Variants in MINK1 observed in about 807,000 individuals in gnomAD.
MINK1 encodes the protein misshapen-like kinase 1.
MINK1 carries 46 observed loss-of-function variants against 178.4 expected under a neutral mutation model. The observed-to-expected ratio is 0.26, with a 90% CI of 0.20 to 0.33. MINK1 has a LOEUF of 0.33. Among genes scored for constraint, MINK1 ranks in the 10% least tolerant of loss-of-function variants. The pLI is 1.00. For missense variants in MINK1, 1,366 were observed against 1,814.9 expected (o/e 0.75, Z 4.49); for synonymous variants, 797 against 709.7 (o/e 1.12, Z -1.96).
intron 1 of MINK1, among the ~76,000 whole-genome samples, chr17:4,870,163 C>T (rs532225942): frequency 4.6e-5 from 7 of 151,580 alleles, no homozygotes; most frequent in South Asian, 2.1e-4. Context: ...CCACCTGCCT[C>T]GGCCTCCCAA....
rs531577273 is a variant in MINK1 at position 4,853,813 on chromosome 17, G to A, written c.57+20173G>A. ...CTGACATTTGAAAAGCCATGGCCTC[G>A]CTTACCTACAGTGAGACTTGAGAAG... On this transcript the variant is annotated intron_variant, in intron 1 of 31. Coordinates refer to ENST00000355280, the MANE Select transcript of MINK1 (RefSeq NM_153827.5). 3.4e-4 allele frequency among the ~76,000 whole-genome samples: 52 copies of A among 152,158 alleles called. No homozygotes were observed. The South Asian group carries it at 7.3e-3, about 21-fold the overall frequency.
At chr17:4,858,874 G>A (rs1427229369) in intron 1 of MINK1, among the ~76,000 whole-genome samples, 1 of 152,224 alleles carries the variant, frequency 6.6e-6, no homozygotes, top group African/African-American at 2.4e-5. Flanking sequence ...AGTACAAGGA[G>A]CTAGGAAAGG....
chr17:4,856,576 A>G (rs1476541677), intron 1 of MINK1, among the ~76,000 whole-genome samples: 1 of 152,162 alleles, frequency 6.6e-6, no homozygotes, highest in Non-Finnish European at 1.5e-5. Flanking sequence ...CGTGACAGAT[A>G]GGTGGGAGAT....
chr17:4,895,354 C>T lies in MINK1; in HGVS notation c.3090C>T (p.Val1030=). 6.2e-7 allele frequency: 1 copy of T among 1,604,138 alleles called. No homozygotes were observed. Among genetic ancestry groups the T allele is most frequent in the Admixed American group, 1.7e-5 (1 of 59,580 alleles). Residue 1030 remains valine, a synonymous_variant, in exon 26 of 32, where the codon GTC becomes GTT. Transcript: ENST00000355280. This position sits in a 1 kb window ranked among gnomAD's most constrained non-coding sequence, Gnocchi z 4.3. The part of the protein sequence containing the change: ...SEILCAALWG[V]NLLVGTENGL... ...GCCCAAGGGCTCCTGTTGCAGGGGT[C>T]AACCTGCTGGTGGGCACGGAGAACG... is the stretch of plus-strand genomic sequence containing the variant.
chr17:4,884,849 C>T (rs1968051005), intron 5 of MINK1, 63 bp from the exon 6 acceptor site: 1 of 1,436,990 alleles, frequency 7.0e-7, no homozygotes, highest in Admixed American at 1.8e-5. Flanking sequence ...CAACTCACTC[C>T]CCACTTACTC....
At chr17:4,859,578 A>G (rs1940888905) in intron 1 of MINK1, among the ~76,000 whole-genome samples, 2 of 151,956 alleles carry the variant, frequency 1.3e-5, no homozygotes, top group Non-Finnish European at 2.9e-5. Context: ...ACATGAGGTC[A>G]GGAGTTCGAG....
chr17:4,868,207 C>G (rs1047355956), intron 1 of MINK1, among the ~76,000 whole-genome samples: 7 of 152,148 alleles, frequency 4.6e-5, no homozygotes, highest in African/African-American at 1.4e-4. Context: ...AAACTCCTGA[C>G]CTCAGGTGGT....
At chr17:4,884,862 T>C (rs780137193) in intron 5 of MINK1, 50 bp from the exon 6 acceptor site, 116 of 1,541,392 alleles carry the variant, frequency 7.5e-5, no homozygotes, top group Non-Finnish European at 5.3e-5. Context: ...ACTTACTCTT[T>C]CCTACCCCAT....
intron 1 of MINK1, among the ~76,000 whole-genome samples, chr17:4,851,875 C>A (rs747023877): frequency 6.6e-6 from 1 of 151,916 alleles, no homozygotes; most frequent in African/African-American, 2.4e-5. Flanking sequence ...TGGCTTGTGC[C>A]TGTAATCCCA....
At chr17:4,890,135 C>A in intron 13 of MINK1, 1 of 552,720 alleles carries the variant, frequency 1.8e-6, no homozygotes, top group Non-Finnish European at 2.8e-6. Flanking sequence ...GGATCCCTTC[C>A]TCCTTCTCCA....
chr17:4,861,891 A>T (rs1374509860), intron 1 of MINK1, among the ~76,000 whole-genome samples: 1 of 152,242 alleles, frequency 6.6e-6, no homozygotes, highest in Non-Finnish European at 1.5e-5. Flanking sequence ...GAGAGAAAGC[A>T]GCCGCAGACT....
At chr17:4,841,226 G>A (rs1015403874) in intron 1 of MINK1, among the ~76,000 whole-genome samples, 2 of 152,082 alleles carry the variant, frequency 1.3e-5, no homozygotes, top group Non-Finnish European at 2.9e-5. Context: ...GGGCACTTCC[G>A]CCAGTGGTTT....
intron 1 of MINK1, among the ~76,000 whole-genome samples, chr17:4,861,409 G>A (rs545824439): frequency 2.6e-5 from 4 of 152,298 alleles, no homozygotes; most frequent in African/African-American, 7.2e-5. Flanking sequence ...CACATGAGGC[G>A]CTCTGTCTGT....
chr17:4,833,583 C>T lies in MINK1; in HGVS notation c.-1C>T. 2 of 1,500,100 alleles carry T rather than the reference C, an allele frequency of 1.3e-6. No individual in the cohort carries two copies. The highest frequency in any genetic ancestry group is 1.2e-5 in the South Asian group (1 of 80,578). 92.9% of individuals were successfully genotyped at this position (1,500,100 alleles called of 1,614,324 possible). On this transcript the variant is annotated 5_prime_UTR_variant, in exon 1 of 32. Transcript: ENST00000355280. The surrounding 1 kb of genome is among the most constrained non-coding windows in gnomAD (Gnocchi z 4.8). ...CCGGTGCCCCGTTCCCCACGGAGGC[C>T]ATGGGCGACCCAGCCCCCGCCCGCA...
chr17:4,891,530 G>A lies in MINK1; in HGVS notation c.1815G>A (p.Gln605=). ...PVPRSQSLQD[Q]PTRNLAAFPA... ...CCCGATCCCAGTCCCTGCAGGACCA[G>A]CCCACCCGAAACCTGGCTGCCTTCC... The change falls in exon 16 of 32, where the codon CAG becomes CAA. Residue 605 remains glutamine, a synonymous_variant. Transcript: ENST00000355280. 6.2e-7 allele frequency: 1 copy of A among 1,611,308 alleles called. No homozygotes were observed. The highest frequency in any genetic ancestry group is 8.5e-7 in the Non-Finnish European group (1 of 1,179,022).
chr17:4,895,829 G>C lies in MINK1; in HGVS notation c.3361G>C (p.Val1121Leu), dbSNP rs919591174. 6.2e-7 allele frequency: 1 copy of C among 1,613,470 alleles called. No individual in the cohort carries two copies. The highest frequency in any genetic ancestry group is 8.5e-7 in the Non-Finnish European group (1 of 1,179,678). Reference protein sequence around the residue: ...GDMEGCGHYRVVKYERIKFLV... With the variant: ...GDMEGCGHYRLVKYERIKFLV... ...CATGGAGGGCTGCGGGCACTACCGTGTTGGTGAGGATGTCCCAACAGAGTG... is the reference window on the plus strand; with the variant it reads ...CATGGAGGGCTGCGGGCACTACCGTCTTGGTGAGGATGTCCCAACAGAGTG... The change falls in exon 27 of 32, where the codon GTT becomes CTT. Residue 1121 changes from valine to leucine, a missense_variant. By Grantham distance (32) the Val-to-Leu change is conservative. Around this residue, in one of 14 missense-constraint regions of MINK1, gnomAD observed 77 missense variants for 119.5 expected, o/e 0.64. Transcript: ENST00000355280. This position sits in a 1 kb window ranked among gnomAD's most constrained non-coding sequence, Gnocchi z 4.3.
In MINK1 at chr17:4,891,047, T is replaced by TCCCCAGGGC. The variant is rs760267098; in HGVS notation, c.1671_1679dup (p.Pro559_Pro561dup). 14 of 1,554,954 alleles carry TCCCCAGGGC rather than the reference T, an allele frequency of 9.0e-6. No homozygotes were observed. In the Admixed American group the frequency reaches 1.2e-4, roughly 13 times the overall value. ...GCCTGAGCCCCCCATCCCCCAGGCC[T>TCCCCAGGGC]CCCCAGGGCCCCCAGGACCCCTTTC... On this transcript the variant is annotated inframe_insertion, in exon 15 of 32. Coordinates refer to ENST00000355280, the MANE Select transcript of MINK1 (RefSeq NM_153827.5).
rs1968070026 is a variant in MINK1, at chr17:4,885,083, G to A, written c.508+81G>A. 1 of 1,338,156 alleles carries A rather than the reference G, an allele frequency of 7.5e-7. No homozygotes were observed. 82.9% of individuals were successfully genotyped at this position (1,338,156 alleles called of 1,614,324 possible). A position where few individuals can be genotyped will look rare whatever the true frequency, so the allele number is the denominator to read the frequency against. On this transcript the variant is annotated intron_variant, in intron 6 of 31. Transcript: ENST00000355280. This position sits in a 1 kb window ranked among gnomAD's most constrained non-coding sequence, Gnocchi z 5.0. ...GAGGGGCCCCTTTTTCTCTCTGGTG[G>A]CTCAGGCCCAACTCCCTTCCTACTG...
intron 1 of MINK1, among the ~76,000 whole-genome samples, chr17:4,867,023 G>C (rs1915085981): frequency 7.0e-6 from 1 of 142,418 alleles, no homozygotes; most frequent in South Asian, 2.2e-4. Context: ...TAGTGAACCG[G>C]GACCGTGCCG....
Sources: gnomAD v4.1 joint callset for allele counts (sites outside exome capture counted in the v4.1 genomes callset) on GRCh38, gnomAD v4.1.1 for gene constraint, gnomAD v4.1.1 regional missense constraint, Gnocchi (gnomAD v3.1) non-coding constraint, MANE v1.5 for transcripts, NCBI Gene and HGNC (gene_info 2026-07-23, HGNC 2026-07-21) for gene names.